GAB2: variants seen among roughly 807,000 people sequenced by gnomAD.
The protein encoded by GAB2 is GRB2 associated binding protein 2.
GAB2 carries 26 observed loss-of-function variants against 65.5 expected under a neutral mutation model. That is an observed-to-expected ratio of 0.40 (90% CI 0.29 to 0.55). The LOEUF (loss-of-function observed/expected upper bound fraction) is 0.55, where lower values mean the gene tolerates loss of function less well. GAB2 is among the 20% of genes least tolerant of loss of function. GAB2 has a pLI of 0.53. For synonymous variants in GAB2, 321 were observed against 329.6 expected, an observed-to-expected ratio of 0.97 and a Z score of 0.28; for missense variants, 884 against 875.8, an observed-to-expected ratio of 1.01 and a Z score of -0.12.
intron 1 of GAB2, among the ~76,000 whole-genome samples, chr11:78,288,224 C>A (rs993637710): frequency 6.6e-6 from 1 of 150,658 alleles, no homozygotes; most frequent in Non-Finnish European, 1.5e-5. Flanking sequence ...TACTAAAATA[C>A]AAAAATTAGC....
intron 2 of GAB2, among the ~76,000 whole-genome samples, chr11:78,258,033 C>T (rs1865639086): frequency 6.6e-6 from 1 of 152,150 alleles, no homozygotes; most frequent in South Asian, 2.1e-4. Flanking sequence ...GGGGTCCAGG[C>T]CTAGCTCTAC....
intron 1 of GAB2, among the ~76,000 whole-genome samples, chr11:78,325,958 A>C (rs951461882): frequency 6.6e-5 from 10 of 152,224 alleles, no homozygotes; most frequent in African/African-American, 2.2e-4. Context: ...ATTGAGGTAT[A>C]AAATAGCAAA....
chr11:78,226,376 G>C (rs116054798), intron 4 of GAB2, 89 bp downstream of exon 4: 1 of 1,043,352 alleles, frequency 9.6e-7, no homozygotes, highest in Middle Eastern at 2.1e-4. Context: ...AGTTCCCCTC[G>C]GCCATGGATG....
rs564742801 is a variant in GAB2 at position 78,215,451 on chromosome 11, T to TA, written c.*3820dup. On this transcript the variant is annotated 3_prime_UTR_variant, in exon 10 of 10. Coordinates refer to ENST00000361507, the MANE Select transcript of GAB2 (RefSeq NM_080491.3). ...CCCACCGGATAAATATGTTACAATT[T>TA]AAAAAAAAGAATACAACAGAATAAA... is the stretch of plus-strand genomic sequence containing the variant. 8.6e-4 allele frequency: 131 copies of TA among 152,434 alleles called. No homozygotes were observed. Among genetic ancestry groups the TA allele is most frequent in the Non-Finnish European group, 5.0e-4 (34 of 67,960 alleles). The allele number at this position is 152,434 out of a possible 1,614,324, so 9.4% of individuals were successfully genotyped here. A position where few individuals can be genotyped will look rare whatever the true frequency, so the allele number is the denominator to read the frequency against.
intron 1 of GAB2, among the ~76,000 whole-genome samples, chr11:78,307,230 C>T (rs1855382228): frequency 6.6e-6 from 1 of 152,118 alleles, no homozygotes; most frequent in South Asian, 2.1e-4. Context: ...ACCTCATGTG[C>T]ACCTAGAGTC....
At chr11:78,337,667 G>A (rs1856024905) in intron 1 of GAB2, among the ~76,000 whole-genome samples, 2 of 152,176 alleles carry the variant, frequency 1.3e-5, no homozygotes, top group Non-Finnish European at 2.9e-5. Context: ...CTCAAGTGCA[G>A]CTAATGGTGA....
rs539788941 is a variant in GAB2 at position 78,317,428 on chromosome 11, C to A, written c.76-36527G>T. ...TACAAAAATTAGCTGGGTGTGGTGGCGGGCAGCTGTAGTCCCAGCCACTCG... is the reference window on the plus strand; with the variant it reads ...TACAAAAATTAGCTGGGTGTGGTGGAGGGCAGCTGTAGTCCCAGCCACTCG... On this transcript the variant is annotated intron_variant, in intron 1 of 9. Transcript: ENST00000361507. Among the ~76,000 whole-genome samples, 5 of 151,894 alleles carry A rather than the reference C, an allele frequency of 3.3e-5. No homozygotes were observed. In the South Asian group the frequency reaches 6.2e-4, roughly 19 times the overall value.
intron 1 of GAB2, among the ~76,000 whole-genome samples, chr11:78,299,554 C>G (rs1866935413): frequency 6.6e-6 from 1 of 152,152 alleles, no homozygotes. Flanking sequence ...TGGTCATAAG[C>G]AAATACAGTA....
chr11:78,242,583 A>G (rs1404539785), intron 3 of GAB2, among the ~76,000 whole-genome samples: 1 of 152,224 alleles, frequency 6.6e-6, no homozygotes, highest in African/African-American at 2.4e-5. Flanking sequence ...ACCAAAGCCT[A>G]TGGAATACAG....
At chr11:78,336,272 CCACTGCACT>C (rs551545772) in intron 1 of GAB2, among the ~76,000 whole-genome samples, 108 of 137,292 alleles carry the variant, frequency 7.9e-4, no homozygotes, top group African/African-American at 2.4e-3. Flanking sequence ...CAAGATCGCA[CCACTGCACT>C]CACTGCACTC....
At position 78,349,572 on chromosome 11, in the gene GAB2, G is replaced by A. The variant is rs71471412; in HGVS notation, c.75+68074C>T. The stretch of plus-strand genomic sequence containing the variant: ...ATGCTATTATTCCCTACAGTGCTTA[G>A]GGCATCCTCAGAAAGGAAAAGCCCT... On this transcript the variant is annotated intron_variant, in intron 1 of 9. Coordinates refer to ENST00000361507, the MANE Select transcript of GAB2 (RefSeq NM_080491.3). Among the ~76,000 whole-genome samples, 1,325 of 152,270 alleles carry A rather than the reference G, an allele frequency of 8.7e-3. 20 individuals are homozygous for A. The highest frequency in any genetic ancestry group is 0.03 in the African/African-American group (1,261 of 41,554).
intron 1 of GAB2, among the ~76,000 whole-genome samples, chr11:78,414,332 T>C (rs1050507582): frequency 2.6e-5 from 4 of 152,148 alleles, no homozygotes; most frequent in Non-Finnish European, 5.9e-5. Flanking sequence ...GTATATTTAA[T>C]AAATATAATG....
chr11:78,322,823 A>T (rs1855751656), intron 1 of GAB2, among the ~76,000 whole-genome samples: 1 of 151,632 alleles, frequency 6.6e-6, no homozygotes, highest in Non-Finnish European at 1.5e-5. Flanking sequence ...ACAACAACAG[A>T]TGCTGGAGAG....
At chr11:78,279,414 T>C (rs73496753) in intron 2 of GAB2, among the ~76,000 whole-genome samples, 4,194 of 152,260 alleles carry the variant, frequency 0.028, 151 homozygotes, top group African/African-American at 0.088. Flanking sequence ...CTCCCTAACC[T>C]GGCTGGTCCT....
intron 2 of GAB2, among the ~76,000 whole-genome samples, chr11:78,271,434 T>C (rs1866006503): frequency 6.6e-6 from 1 of 152,272 alleles, no homozygotes; most frequent in Non-Finnish European, 1.5e-5. Flanking sequence ...TGGTTTCCTT[T>C]TGGAACGAGT....
In GAB2 at chr11:78,226,611, CGGGGTGG is replaced by C; in HGVS notation, c.1054_1060del (p.Pro352AlafsTer73). The C allele has an allele frequency of 1.1e-4, 30 of 282,664 alleles. No individual in the cohort carries two copies. The highest frequency in any genetic ancestry group is 1.6e-4 in the Non-Finnish European group (26 of 157,672). 17.5% of individuals were successfully genotyped at this position (282,664 alleles called of 1,614,324 possible). ...TTCTGCCTGACTTGGCTTGGGGGGG[CGGGGTGG>C]GGGAGCTATGGCTGAGTCCCCAGGA... On this transcript the variant is annotated frameshift_variant, in exon 4 of 10. Transcript: ENST00000361507. LOFTEE classifies it high-confidence loss of function.
chr11:78,417,695 C>T lies in GAB2; in HGVS notation c.26G>A (p.Cys9Tyr). ...AGGCGATTTCCTCAGCCAGCCGGTG[C>T]ACACCACGTCGCCGCCGCCGCTCAT... MSGGGDVV[C>Y]TGWLRKSPPE... Residue 9 changes from cysteine to tyrosine, a missense_variant, in exon 1 of 10, where the codon TGC becomes TAC. By Grantham distance (194) the Cys-to-Tyr change is radical. Transcript: ENST00000361507. The T allele has an allele frequency of 3.7e-6, 5 of 1,361,594 alleles. No homozygotes were observed. Among genetic ancestry groups the T allele is most frequent in the South Asian group, 2.8e-5 (2 of 71,640 alleles). The allele number at this position is 1,361,594 out of a possible 1,614,324, so 84.3% of individuals were successfully genotyped here.
At chr11:78,221,887 A>T (rs1263633761) in intron 7 of GAB2, 108 bp from the exon 8 acceptor site, 7 of 731,624 alleles carry the variant, frequency 9.6e-6, no homozygotes, top group Non-Finnish European at 1.7e-5. Context: ...CAGCCATTAG[A>T]GCTGCACACT....
At chr11:78,330,393 C>T (rs1194987342) in intron 1 of GAB2, among the ~76,000 whole-genome samples, 2 of 152,160 alleles carry the variant, frequency 1.3e-5, no homozygotes, top group East Asian at 3.8e-4. Flanking sequence ...AAATACAAGG[C>T]TTTGCGTTTT....
Sources: gnomAD v4.1 joint callset for allele counts (sites outside exome capture counted in the v4.1 genomes callset) on GRCh38, gnomAD v4.1.1 for gene constraint, MANE v1.5 for transcripts, NCBI Gene and HGNC (gene_info 2026-07-23, HGNC 2026-07-21) for gene names.